C12orf42: variants seen among roughly 807,000 people sequenced by gnomAD.
C12orf42 encodes uncharacterized protein C12orf42.
A neutral mutation model predicts 21.6 loss-of-function variants in C12orf42; 25 were observed. The observed-to-expected ratio is 1.16, with a 90% CI of 0.84 to 1.62. C12orf42 has a LOEUF of 1.62. Among genes scored for constraint, C12orf42 ranks in the 40% most tolerant of loss-of-function variants. The probability of loss-of-function intolerance (pLI) is 0.00; values close to 1 mark genes in which losing one functional copy is unlikely to be tolerated. For synonymous variants in C12orf42, 174 were observed against 175.0 expected (o/e 0.99, Z 0.05); for missense variants, 483 against 459.3 (o/e 1.05, Z -0.47).
intron 4 of C12orf42, among the ~76,000 whole-genome samples, chr12:103,347,285 C>A (rs8181626): frequency 0.46 from 68,448 of 150,378 alleles, 16,864 homozygotes; most frequent in East Asian, 0.66. Context: ...ACTCCCACTT[C>A]TGAGTGAGAA....
intron 3 of C12orf42, among the ~76,000 whole-genome samples, chr12:103,383,505 T>C (rs1354409723): frequency 1.3e-5 from 2 of 152,200 alleles, no homozygotes; most frequent in African/African-American, 4.8e-5. Context: ...ATTACTATCA[T>C]AAAGAATGGT....
At chr12:103,287,671 G>A (rs998365513) in intron 4 of C12orf42, among the ~76,000 whole-genome samples, 14 of 150,902 alleles carry the variant, frequency 9.3e-5, no homozygotes, top group Non-Finnish European at 1.5e-4. Flanking sequence ...AAAACTGCAC[G>A]TTGTGCACAT....
At chr12:103,406,579 A>C in intron 2 of C12orf42, among the ~76,000 whole-genome samples, 1 of 152,182 alleles carries the variant, frequency 6.6e-6, no homozygotes, top group East Asian at 1.9e-4. Flanking sequence ...TGAGATCAAG[A>C]CAATTCAGCT....
the C12orf42 span, among the ~76,000 whole-genome samples, chr12:103,531,435 C>T: frequency 6.6e-6 from 1 of 152,154 alleles, no homozygotes; most frequent in Non-Finnish European, 1.5e-5. Flanking sequence ...TGAAGCCTGC[C>T]TATAGCAGTA....
intron 1 of C12orf42, among the ~76,000 whole-genome samples, chr12:103,495,452 T>C: frequency 6.6e-6 from 1 of 150,928 alleles, no homozygotes; most frequent in East Asian, 2.0e-4. Context: ...CTTCCTGTAT[T>C]AGCATGCGGG....
At chr12:103,466,946 G>A (rs1592936653) in intron 2 of C12orf42, among the ~76,000 whole-genome samples, 1 of 152,186 alleles carries the variant, frequency 6.6e-6, no homozygotes. Flanking sequence ...TCCCAGACGA[G>A]GCCATCCTGG....
downstream of C12orf42, among the ~76,000 whole-genome samples, chr12:103,299,680 A>G (rs2037527132): frequency 6.6e-6 from 1 of 152,200 alleles, no homozygotes; most frequent in South Asian, 2.1e-4. Flanking sequence ...ATATAAAAAT[A>G]TTTACTTCCT....
At chr12:103,050,495 G>A in the C12orf42 span, among the ~76,000 whole-genome samples, 1 of 152,094 alleles carries the variant, frequency 6.6e-6, no homozygotes, top group Admixed American at 6.6e-5. Context: ...AGATGACCAA[G>A]TAATTATAAT....
the C12orf42 span, among the ~76,000 whole-genome samples, chr12:103,126,127 T>C: frequency 6.6e-6 from 1 of 152,230 alleles, no homozygotes; most frequent in Non-Finnish European, 1.5e-5. Context: ...ACAGGAGTTG[T>C]GTCCCGGCTA....
chr12:103,144,794 A>G, the C12orf42 span, among the ~76,000 whole-genome samples: 3 of 152,200 alleles, frequency 2.0e-5, no homozygotes, highest in Non-Finnish European at 4.4e-5. Context: ...GGGCAACTTA[A>G]GCAGAAAGGG....
At chr12:103,159,962 G>T in the C12orf42 span, among the ~76,000 whole-genome samples, 1 of 152,152 alleles carries the variant, frequency 6.6e-6, no homozygotes, top group African/African-American at 2.4e-5. Flanking sequence ...AAAACAGATT[G>T]GCTAATCCAG....
In C12orf42 at chr12:103,478,451, T is replaced by C; in HGVS notation, c.-21-4A>G. 7.1e-7 allele frequency: 1 copy of C among 1,400,810 alleles called. No individual in the cohort carries two copies. The highest frequency in any genetic ancestry group is 1.3e-5 in the South Asian group (1 of 75,944). The allele number at this position is 1,400,810 out of a possible 1,614,324, so 86.8% of individuals were successfully genotyped here. ...TTAATTTGACAAGTTCAACTCCCTA[T>C]AAACAAAGAATGGAGAAAGAAGAGC... On this transcript the variant is annotated splice_region_variant and splice_polypyrimidine_tract_variant and intron_variant, in intron 1 of 5. Transcript: ENST00000548883.
At chr12:103,123,359 G>C in the C12orf42 span, among the ~76,000 whole-genome samples, 1 of 152,138 alleles carries the variant, frequency 6.6e-6, no homozygotes, top group Non-Finnish European at 1.5e-5. Context: ...GGAGCTTTAG[G>C]AGATGGCAGG....
downstream of C12orf42, among the ~76,000 whole-genome samples, chr12:103,299,969 C>T (rs1346029390): frequency 6.6e-6 from 1 of 152,202 alleles, no homozygotes; most frequent in African/African-American, 2.4e-5. Flanking sequence ...ACAGAGACAG[C>T]TCATTACACT....
chr12:103,388,669 C>T (rs990897903), intron 3 of C12orf42, among the ~76,000 whole-genome samples: 14 of 152,134 alleles, frequency 9.2e-5, no homozygotes, highest in African/African-American at 2.6e-4. Flanking sequence ...ACTGCTCTTG[C>T]CTTATATTGA....
chr12:103,353,792 G>A (rs532916163), intron 4 of C12orf42, among the ~76,000 whole-genome samples: 108 of 152,288 alleles, frequency 7.1e-4, no homozygotes, highest in African/African-American at 2.5e-3. Context: ...GAATGACGCA[G>A]AAATATTCAA....
the C12orf42 span, among the ~76,000 whole-genome samples, chr12:103,510,819 A>G: frequency 2.0e-5 from 3 of 152,176 alleles, no homozygotes; most frequent in Non-Finnish European, 4.4e-5. Context: ...AATGGCTGCA[A>G]TTTTGTTCTT....
chr12:103,517,583 C>G, the C12orf42 span, among the ~76,000 whole-genome samples: 1 of 152,140 alleles, frequency 6.6e-6, no homozygotes, highest in Admixed American at 6.5e-5. Flanking sequence ...TTAGATGAAC[C>G]AACACTTCTT....
the C12orf42 span, among the ~76,000 whole-genome samples, chr12:103,562,596 T>C: frequency 1.3e-5 from 2 of 152,194 alleles, no homozygotes; most frequent in Non-Finnish European, 2.9e-5. Flanking sequence ...GACCCTACTG[T>C]CCCACACTCA....
Sources: gnomAD v4.1 joint callset for allele counts (sites outside exome capture counted in the v4.1 genomes callset) on GRCh38, gnomAD v4.1.1 for gene constraint, MANE v1.5 for transcripts, NCBI Gene and HGNC (gene_info 2026-07-23, HGNC 2026-07-21) for gene names.